The following SFXN2 variants were observed in gnomAD, a reference collection of about 807,000 sequenced individuals.
SFXN2 encodes sideroflexin-2.
SFXN2 carries 37 observed loss-of-function variants against 41.9 expected under a neutral mutation model. The ratio of observed to expected loss-of-function variants is 0.88; its 90% CI spans 0.68 to 1.16. The LOEUF is 1.16. SFXN2 is among the 50% of genes most tolerant of loss of function. The probability of loss-of-function intolerance (pLI) is 0.00; values close to 1 mark genes in which losing one functional copy is unlikely to be tolerated. For synonymous variants in SFXN2, 150 were observed against 156.7 expected, an observed-to-expected ratio of 0.96 and a Z score of 0.32; for missense variants, 386 against 425.2, an observed-to-expected ratio of 0.91 and a Z score of 0.81.
chr10:102,733,516 G>C (rs768389324), intron 9 of SFXN2, 38 bp from the exon 10 acceptor site: 1 of 1,570,052 alleles, frequency 6.4e-7, no homozygotes, highest in Admixed American at 1.7e-5. Flanking sequence ...AGGCATAGAA[G>C]TACCATGTGG....
In SFXN2 at chr10:102,729,714, C is replaced by T; in HGVS notation, c.508-9C>T. ...CTGAACAACTCCTACTGTTCTCTTC[C>T]CCCAACAGAAAGCGCCGCCCTTGGT... On this transcript the variant is annotated splice_polypyrimidine_tract_variant and intron_variant, in intron 5 of 11. Coordinates refer to ENST00000369893, the MANE Select transcript of SFXN2 (RefSeq NM_178858.6). The T allele has an allele frequency of 6.2e-7, 1 of 1,613,762 alleles. No homozygotes were observed. The highest frequency in any genetic ancestry group is 8.5e-7 in the Non-Finnish European group (1 of 1,179,938).
intron 1 of SFXN2, among the ~76,000 whole-genome samples, chr10:102,726,226 G>A (rs1017737722): frequency 6.6e-6 from 1 of 152,170 alleles, no homozygotes; most frequent in Non-Finnish European, 1.5e-5. Flanking sequence ...GGGATTACAG[G>A]CATGAGCCAC....
rs574487286 is a variant in SFXN2 at position 102,735,767 on chromosome 10, A to G, written c.822-95A>G. ...ATGGTGCCAGCTGGGAAGGCAGGCC[A>G]GGTGCCTGGGCATTGCTCCTTTCCC... is the stretch of plus-strand genomic sequence containing the variant. On this transcript the variant is annotated intron_variant, in intron 10 of 11. Transcript: ENST00000369893. The G allele has an allele frequency of 3.2e-4, 407 of 1,285,244 alleles. 1 individual carries two copies. The highest frequency in any genetic ancestry group is 2.0e-3 in the Middle Eastern group (10 of 5,054). The allele number at this position is 1,285,244 out of a possible 1,614,324, so 79.6% of individuals were successfully genotyped here.
rs1426958271 is a variant in SFXN2, at chr10:102,739,426, A to C, written c.*1664A>C. The stretch of plus-strand genomic sequence containing the variant: ...AGCAAGAGTTGGCAAGCTATGGCTC[A>C]AGGGGCCAAATCCACCTGCCACCTG... On this transcript the variant is annotated 3_prime_UTR_variant, in exon 12 of 12. Transcript: ENST00000369893. 3.9e-5 allele frequency: 6 copies of C among 152,142 alleles called. No homozygotes were observed. The allele number at this position is 152,142 out of a possible 1,614,324, so 9.4% of individuals were successfully genotyped here. A position where few individuals can be genotyped will look rare whatever the true frequency, so the allele number is the denominator to read the frequency against.
At position 102,732,222 on chromosome 10, in the gene SFXN2, A is replaced by G; in HGVS notation, c.721+4A>G. The G allele has an allele frequency of 6.2e-7, 1 of 1,613,596 alleles. No individual in the cohort carries two copies. The highest frequency in any genetic ancestry group is 8.5e-7 in the Non-Finnish European group (1 of 1,179,734). On this transcript the variant is annotated splice_donor_region_variant and intron_variant, in intron 8 of 11. Coordinates refer to ENST00000369893, the MANE Select transcript of SFXN2 (RefSeq NM_178858.6). ...ACCATGTCAGCTCCTGGGATGAGTAAGATGGGGAAGCCCTTCCATCCTGGG... is the reference window on the plus strand; with the variant it reads ...ACCATGTCAGCTCCTGGGATGAGTAGGATGGGGAAGCCCTTCCATCCTGGG...
At chr10:102,719,265 A>G (rs1233618911) in intron 1 of SFXN2, among the ~76,000 whole-genome samples, 1 of 148,410 alleles carries the variant, frequency 6.7e-6, no homozygotes, top group Non-Finnish European at 1.5e-5. Context: ...TCTGTTGCCC[A>G]GGCTGGAGTA....
chr10:102,740,476 C>G lies in SFXN2; in HGVS notation c.*2714C>G, dbSNP rs994702296. On this transcript the variant is annotated 3_prime_UTR_variant, in exon 12 of 12. Transcript: ENST00000369893. ...GCCTCAAGTGATCCTCCTCCCTCAG[C>G]CTTCCAAAGTGTTGGAATTACACAC... The G allele has an allele frequency of 6.6e-6, 1 of 152,284 alleles. No homozygotes were observed. Among genetic ancestry groups the G allele is most frequent in the Non-Finnish European group, 1.5e-5 (1 of 68,100 alleles). 9.4% of individuals were successfully genotyped at this position (152,284 alleles called of 1,614,324 possible). A position where few individuals can be genotyped will look rare whatever the true frequency, so the allele number is the denominator to read the frequency against.
At chr10:102,718,403 G>T (rs1564737870) in intron 1 of SFXN2, among the ~76,000 whole-genome samples, 1 of 152,226 alleles carries the variant, frequency 6.6e-6, no homozygotes. Context: ...CAGCCAAGCT[G>T]ACTCCTTTTA....
chr10:102,735,398 A>T (rs1351735600), intron 10 of SFXN2, among the ~76,000 whole-genome samples: 1 of 134,890 alleles, frequency 7.4e-6, no homozygotes, highest in African/African-American at 2.8e-5. Context: ...TGTTCCTCCA[A>T]GTTGCTCCTG....
chr10:102,728,923 C>A (rs758309238), intron 4 of SFXN2, among the ~76,000 whole-genome samples: 4 of 151,982 alleles, frequency 2.6e-5, no homozygotes, highest in Non-Finnish European at 4.4e-5. Context: ...AAAAAACCAC[C>A]CAGAAAACCA....
chr10:102,727,063 C>T lies in SFXN2; in HGVS notation c.238C>T (p.Pro80Ser), dbSNP rs944978508. 6.2e-7 allele frequency: 1 copy of T among 1,610,880 alleles called. No individual in the cohort carries two copies. Among genetic ancestry groups the T allele is most frequent in the Non-Finnish European group, 8.5e-7 (1 of 1,177,334 alleles). Residue 80 changes from proline to serine, a missense_variant, in exon 3 of 12, where the codon CCC becomes TCC. Transcript: ENST00000369893. ...AKKLYDSAFHPDTGEKMNVIG... is the reference protein window; with the variant it reads ...AKKLYDSAFHSDTGEKMNVIG... Reference sequence around the variant, plus strand: ...GAAGCTGTATGACTCGGCCTTCCACCCCGACACTGGGGAGAAGATGAATGT... The same window carrying T: ...GAAGCTGTATGACTCGGCCTTCCACTCCGACACTGGGGAGAAGATGAATGT...
In SFXN2 at chr10:102,743,063, G is replaced by A. The variant is rs1358660062; in HGVS notation, c.*5301G>A. The A allele has an allele frequency of 6.6e-6, 1 of 152,234 alleles. No homozygotes were observed. The highest frequency in any genetic ancestry group is 1.5e-5 in the Non-Finnish European group (1 of 68,056). 9.4% of individuals were successfully genotyped at this position (152,234 alleles called of 1,614,324 possible). On this transcript the variant is annotated 3_prime_UTR_variant, in exon 12 of 12. Transcript: ENST00000369893. Reference sequence around the variant, plus strand: ...GAGGTGAGATAAAGAGAAGTAGACAGGGACGAAGTCACAGAGAGGACCGTG... The same window carrying A: ...GAGGTGAGATAAAGAGAAGTAGACAAGGACGAAGTCACAGAGAGGACCGTG...
Position 102,731,782 on chromosome 10 carries a change from G to C in SFXN2, c.653G>C (p.Arg218Pro). The change falls in exon 7 of 12, where the codon CGG becomes CCG. Residue 218 changes from arginine to proline, a missense_variant and splice_region_variant. Transcript: ENST00000369893. ...DRNENEIGHS[R>P]RAAAIGITQV... ...AATGAAAATGAGATTGGTCATTCCCGGGTGAGCAGAGGCCTCCCTTTGGGG... is the reference window on the plus strand; with the variant it reads ...AATGAAAATGAGATTGGTCATTCCCCGGTGAGCAGAGGCCTCCCTTTGGGG... The C allele has an allele frequency of 1.2e-6, 2 of 1,613,762 alleles. No homozygotes were observed. Among genetic ancestry groups the C allele is most frequent in the Non-Finnish European group, 1.7e-6 (2 of 1,179,762 alleles).
In SFXN2 at chr10:102,732,259, C is replaced by A; in HGVS notation, c.721+41C>A. ...CCTTCCATCCTGGGGAAGCCTGTGACACAGGGTGGAGGTCTCAGCCACACT... is the reference window on the plus strand; with the variant it reads ...CCTTCCATCCTGGGGAAGCCTGTGAAACAGGGTGGAGGTCTCAGCCACACT... On this transcript the variant is annotated intron_variant, in intron 8 of 11. Transcript: ENST00000369893. The A allele has an allele frequency of 1.9e-6, 3 of 1,587,828 alleles. No homozygotes were observed. The South Asian group carries it at 3.4e-5, about 18-fold the overall frequency.
intron 4 of SFXN2, 29 bp from the exon 5 acceptor site, chr10:102,729,290 C>A (rs772677436): frequency 6.2e-7 from 1 of 1,611,220 alleles, no homozygotes. Flanking sequence ...GCAGGGGCCC[C>A]ACTCCCAAGC....
chr10:102,732,467 C>T (rs746236354), intron 8 of SFXN2, among the ~76,000 whole-genome samples: 22 of 152,350 alleles, frequency 1.4e-4, no homozygotes, highest in Non-Finnish European at 2.5e-4. Context: ...TAATGTTAGA[C>T]ACAGTGTGGG....
chr10:102,722,698 G>A (rs1934653525), intron 1 of SFXN2, among the ~76,000 whole-genome samples: 1 of 151,112 alleles, frequency 6.6e-6, no homozygotes, highest in South Asian at 2.1e-4. Flanking sequence ...ATGCAACCAC[G>A]CCTGGCTATG....
At chr10:102,726,421 A>C in intron 1 of SFXN2, 191 bp from the exon 2 acceptor site, 1 of 583,256 alleles carries the variant, frequency 1.7e-6, no homozygotes, top group Non-Finnish European at 3.0e-6. Flanking sequence ...GGCCACCAGC[A>C]GGCCCTCAGG....
At position 102,727,178 on chromosome 10, in the gene SFXN2, C is replaced by T. The variant is rs1027605604; in HGVS notation, c.332+21C>T. On this transcript the variant is annotated intron_variant, in intron 3 of 11. Transcript: ENST00000369893. ...TACAGGTGGGACCTGGGGGCAGGGC[C>T]GTGGGAGGTACAGCTGCCTGGATCT... 9 of 1,583,562 alleles carry T rather than the reference C, an allele frequency of 5.7e-6. No individual in the cohort carries two copies. The African/African-American group carries it at 6.7e-5, about 12-fold the overall frequency.
Sources: allele counts gnomAD v4.1 joint callset (sites outside exome capture counted in the v4.1 genomes callset), GRCh38; gene constraint gnomAD v4.1.1; transcripts MANE v1.5; gene names NCBI Gene and HGNC (gene_info 2026-07-23, HGNC 2026-07-21).